Variants in PRKAR1B observed in about 807,000 individuals in gnomAD.
PRKAR1B encodes the protein cAMP-dependent protein kinase type I-beta regulatory subunit.
A neutral mutation model predicts 46.5 loss-of-function variants in PRKAR1B; 22 were observed. The observed-to-expected ratio is 0.47, with a 90% CI of 0.34 to 0.68. The LOEUF is 0.68. PRKAR1B is among the 30% of genes least tolerant of loss of function. The pLI is 0.01. For missense variants in PRKAR1B, 445 were observed against 535.6 expected, an observed-to-expected ratio of 0.83 and a Z score of 1.67; for synonymous variants, 259 against 217.7, an observed-to-expected ratio of 1.19 and a Z score of -1.67.
intron 9 of PRKAR1B, among the ~76,000 whole-genome samples, chr7:576,172 C>T (rs111738861): frequency 3.6e-4 from 52 of 146,056 alleles, no homozygotes; most frequent in Non-Finnish European, 7.4e-4. Context: ...GGCGGGCGTG[C>T]ACGCTGGCAT....
chr7:653,991 C>T (rs543645413), intron 4 of PRKAR1B, among the ~76,000 whole-genome samples: 157 of 151,556 alleles, frequency 1.0e-3, no homozygotes, highest in African/African-American at 3.4e-3. Context: ...TCATCATTGC[C>T]GTCTTCATCA....
chr7:599,449 C>T (rs954154823), intron 6 of PRKAR1B, among the ~76,000 whole-genome samples: 12 of 152,104 alleles, frequency 7.9e-5, no homozygotes, highest in South Asian at 4.1e-4. Context: ...CCACCACGCC[C>T]GGCTAATTTT....
intron 4 of PRKAR1B, among the ~76,000 whole-genome samples, chr7:612,549 GGATGGATGGACA>G (rs1466948089): frequency 6.6e-6 from 1 of 152,114 alleles, no homozygotes; most frequent in Non-Finnish European, 1.5e-5. Flanking sequence ...ATGGATAGAT[GGATGGATGGACA>G]GGTGGATGGA....
rs373063502 is a variant in PRKAR1B at position 714,373 on chromosome 7, T to G, written c.-22-2846A>C. Among the ~76,000 whole-genome samples the G allele has an allele frequency of 1.1e-4, 17 of 152,256 alleles. No homozygotes were observed. Among genetic ancestry groups the G allele is most frequent in the African/African-American group, 4.1e-4 (17 of 41,538 alleles). ...CAAGCCCTCCTTCTGCTGCAATACCTCCTCAGGCTGAGCCTCCTTGCCTGC... is the reference window on the plus strand; with the variant it reads ...CAAGCCCTCCTTCTGCTGCAATACCGCCTCAGGCTGAGCCTCCTTGCCTGC... On this transcript the variant is annotated intron_variant, in intron 1 of 10. Coordinates refer to ENST00000537384, the MANE Select transcript of PRKAR1B (RefSeq NM_001164760.2). This position sits in a 1 kb window ranked among gnomAD's most constrained non-coding sequence, Gnocchi z 4.3.
intron 4 of PRKAR1B, among the ~76,000 whole-genome samples, chr7:647,882 C>T (rs1458513739): frequency 1.3e-5 from 2 of 151,158 alleles, no homozygotes; most frequent in Non-Finnish European, 2.9e-5. Flanking sequence ...TCATTATGGC[C>T]GGGCATGGTG....
chr7:564,288 G>A (rs1039708037), intron 9 of PRKAR1B, among the ~76,000 whole-genome samples: 2 of 152,188 alleles, frequency 1.3e-5, no homozygotes, highest in African/African-American at 2.4e-5. Flanking sequence ...CGCCCCCAGC[G>A]TCAGCCCATC....
intron 4 of PRKAR1B, among the ~76,000 whole-genome samples, chr7:645,004 A>G (rs1245419121): frequency 6.6e-6 from 1 of 152,204 alleles, no homozygotes; most frequent in East Asian, 1.9e-4. Flanking sequence ...AATAAGGCGC[A>G]GTGTGGACGA....
intron 4 of PRKAR1B, among the ~76,000 whole-genome samples, chr7:676,047 A>G (rs530708235): frequency 1.3e-4 from 20 of 152,274 alleles, no homozygotes; most frequent in Non-Finnish European, 2.4e-4. Flanking sequence ...GCAGCACGCT[A>G]ACTGGCATGG....
chr7:657,875 C>A (rs1785296165), intron 4 of PRKAR1B, among the ~76,000 whole-genome samples: 1 of 152,168 alleles, frequency 6.6e-6, no homozygotes, highest in South Asian at 2.1e-4. Flanking sequence ...CTCACAGCCT[C>A]CACCTCCTCA....
At chr7:586,886 C>CT (rs67760235) in intron 7 of PRKAR1B, among the ~76,000 whole-genome samples, 74,297 of 129,264 alleles carry the variant, frequency 0.57, 22,427 homozygotes, top group East Asian at 0.84. Flanking sequence ...ATCCCACCTT[C>CT]TTTTTTTTTT....
intron 4 of PRKAR1B, among the ~76,000 whole-genome samples, chr7:660,350 C>T (rs1017940144): frequency 6.6e-5 from 10 of 152,112 alleles, no homozygotes; most frequent in Admixed American, 3.9e-4. Context: ...CCCGCTCCAA[C>T]GGGTCCAAAT....
intron 2 of PRKAR1B, among the ~76,000 whole-genome samples, chr7:710,155 A>G (rs1322122734): frequency 2.0e-5 from 3 of 152,174 alleles, no homozygotes; most frequent in Non-Finnish European, 4.4e-5. Flanking sequence ...GCCCCTGTCG[A>G]AAGCATAAAC....
chr7:704,342 G>A (rs73047938), intron 2 of PRKAR1B, among the ~76,000 whole-genome samples: 22,205 of 152,134 alleles, frequency 0.15, 1,771 homozygotes, highest in Middle Eastern at 0.23. Flanking sequence ...AGAAATTACC[G>A]TCTCAGGAAT....
chr7:597,765 G>A (rs975806521), intron 6 of PRKAR1B, among the ~76,000 whole-genome samples: 4 of 152,164 alleles, frequency 2.6e-5, no homozygotes, highest in South Asian at 2.1e-4. Context: ...CCTGGCCTGC[G>A]GGCGATGAAG....
At chr7:664,492 C>A (rs896565843) in intron 4 of PRKAR1B, among the ~76,000 whole-genome samples, 2 of 152,226 alleles carry the variant, frequency 1.3e-5, no homozygotes, top group African/African-American at 2.4e-5. Context: ...GCAGAGGCCA[C>A]GTGCAGCATC....
intron 4 of PRKAR1B, among the ~76,000 whole-genome samples, chr7:632,089 C>T (rs1783782648): frequency 6.6e-6 from 1 of 152,190 alleles, no homozygotes; most frequent in South Asian, 2.1e-4. Context: ...ACGTGTGAGC[C>T]AGCGTCTCCG....
intron 6 of PRKAR1B, among the ~76,000 whole-genome samples, chr7:605,211 G>A (rs1424081965): frequency 6.6e-6 from 1 of 152,260 alleles, no homozygotes; most frequent in Non-Finnish European, 1.5e-5. Flanking sequence ...CAGGAACCGA[G>A]GGAGGATGAT....
intron 2 of PRKAR1B, among the ~76,000 whole-genome samples, chr7:704,706 T>C (rs1048083046): frequency 6.6e-6 from 1 of 151,478 alleles, no homozygotes; most frequent in Non-Finnish European, 1.5e-5. Context: ...GAGGGGCGGG[T>C]TGCAGTGAGC....
intron 4 of PRKAR1B, among the ~76,000 whole-genome samples, chr7:675,385 C>A (rs1441926061): frequency 6.6e-6 from 1 of 152,266 alleles, no homozygotes; most frequent in Admixed American, 6.5e-5. Flanking sequence ...CAGACCACCA[C>A]ACCGTTGCCC....
Sources: gnomAD v4.1 joint callset for allele counts (sites outside exome capture counted in the v4.1 genomes callset) on GRCh38, gnomAD v4.1.1 for gene constraint, Gnocchi (gnomAD v3.1) non-coding constraint, MANE v1.5 for transcripts, NCBI Gene and HGNC (gene_info 2026-07-23, HGNC 2026-07-21) for gene names.